Variants in PDE4D observed in about 807,000 individuals in gnomAD.
The protein encoded by PDE4D is 3',5'-cyclic-AMP phosphodiesterase 4D.
PDE4D carries 24 observed loss-of-function variants against 87.4 expected under a neutral mutation model. The observed-to-expected ratio is 0.27, with a 90% CI of 0.20 to 0.39. The LOEUF (loss-of-function observed/expected upper bound fraction) is 0.39. Ranked by LOEUF, PDE4D falls within the 10% of genes least tolerant of loss-of-function variation. The pLI, the probability that PDE4D is intolerant of heterozygous loss-of-function variation, is 1.00. For missense variants in PDE4D, 714 were observed against 1,041.0 expected (o/e 0.69, Z 4.32); for synonymous variants, 384 against 383.2 (o/e 1.00, Z -0.02).
chr5:60,431,116 C>A (rs953406203), intron 1 of PDE4D: 2 of 216,814 alleles, frequency 9.2e-6, no homozygotes, highest in Admixed American at 5.9e-5. Context: ...CCAGTAGGGG[C>A]GGCCGGGCAG....
chr5:60,150,140 G>A (rs1781383603), intron 2 of PDE4D, among the ~76,000 whole-genome samples: 1 of 150,242 alleles, frequency 6.7e-6, no homozygotes, highest in Non-Finnish European at 1.5e-5. Context: ...GTACAAAATG[G>A]ACTATATAAT....
Position 60,473,124 on chromosome 5 carries a change from AAAGGAAGGAAGGAAGGAAGGAAGGAAGG to A in PDE4D, c.-90+14790_-90+14817del, listed in dbSNP as rs562842272. On this transcript the variant is annotated intron_variant, in intron 1 of 16. Transcript: ENST00000502484. ...AAGAAAGAAAGAGAGAGAGAGAAAG[AAAGGAAGGAAGGAAGGAAGGAAGGAAGG>A]AAGGAAGGAAGGAAGGAAGGAAGGA... 2.3e-4 allele frequency among the ~76,000 whole-genome samples: 19 copies of A among 81,424 alleles called. 1 individual carries two copies. In the South Asian group the frequency reaches 2.5e-3, roughly 11 times the overall value. The allele number at this position is 81,424 out of a possible 152,430, so 53.4% of individuals were successfully genotyped here.
intron 1 of PDE4D, among the ~76,000 whole-genome samples, chr5:59,244,119 T>G (rs1581573192): frequency 6.6e-6 from 1 of 152,158 alleles, no homozygotes; most frequent in African/African-American, 2.4e-5. Context: ...AAGCGAAGAA[T>G]GCAGAATAAA....
intron 1 of PDE4D, among the ~76,000 whole-genome samples, chr5:59,668,918 G>GAAGAAAGA (rs150582699): frequency 2.8e-5 from 2 of 71,108 alleles, no homozygotes; most frequent in African/African-American, 1.3e-4. Context: ...AGAAGAAGAA[G>GAAGAAAGA]AAGAAAGAAA....
rs546906473 is a variant in PDE4D, at chr5:58,975,642, C to T, written c.2013+15G>A. ...AGCTCTGTTCTCTCTGAAAGCTATA[C>T]ACTTCATGCATTACCTGTGATTTTT... On this transcript the variant is annotated intron_variant, in intron 14 of 14. Transcript: ENST00000340635. The surrounding 1 kb of genome is among the most constrained non-coding windows in gnomAD (Gnocchi z 4.2). The T allele has an allele frequency of 5.8e-6, 9 of 1,561,498 alleles. No individual in the cohort carries two copies. The South Asian group carries it at 6.1e-5, about 11-fold the overall frequency.
At chr5:59,222,344 G>C (rs911958386) in intron 1 of PDE4D, among the ~76,000 whole-genome samples, 3 of 151,946 alleles carry the variant, frequency 2.0e-5, no homozygotes, top group African/African-American at 7.3e-5. Context: ...ATTTATTTTT[G>C]ACCATGATAT....
At chr5:60,147,946 ACAT>A (rs1446085397) in intron 2 of PDE4D, 1 of 329,136 alleles carries the variant, frequency 3.0e-6, no homozygotes, top group Admixed American at 4.0e-5. Flanking sequence ...CCAAAGTGGC[ACAT>A]CATAACTCCT....
Position 59,126,107 on chromosome 5 carries a change from AAGAGAG to A in PDE4D, c.808+54482_808+54487del, listed in dbSNP as rs755881387. On this transcript the variant is annotated intron_variant, in intron 5 of 14. Transcript: ENST00000340635. ...TTAAGTACAATTGTAAAAAAAAAAA[AAGAGAG>A]AGAGAGAGAGAGAGAGAAAGCAAGG... Among the ~76,000 whole-genome samples, 14 of 148,166 alleles carry A rather than the reference AAGAGAG, an allele frequency of 9.4e-5. No individual in the cohort carries two copies. The East Asian group carries it at 2.0e-3, about 21-fold the overall frequency.
At chr5:60,210,346 TG>T (rs1743048570) in intron 1 of PDE4D, among the ~76,000 whole-genome samples, 2 of 151,942 alleles carry the variant, frequency 1.3e-5, no homozygotes, top group African/African-American at 2.4e-5. Flanking sequence ...ATGTCTCATT[TG>T]TTTTTTTTTT....
chr5:59,928,638 C>A (rs1035856404), intron 3 of PDE4D, among the ~76,000 whole-genome samples: 4 of 151,906 alleles, frequency 2.6e-5, no homozygotes, highest in Non-Finnish European at 4.4e-5. Flanking sequence ...TTCCCCAGCC[C>A]CCTGGGTATC....
intron 1 of PDE4D, among the ~76,000 whole-genome samples, chr5:59,751,574 G>GGGGTGTGTGTGT (rs112024458): frequency 7.0e-6 from 1 of 142,630 alleles, no homozygotes; most frequent in African/African-American, 2.7e-5. Context: ...ATAAATCCCT[G>GGGGTGTGTGTGT]GTGTGTGTGT....
intron 3 of PDE4D, among the ~76,000 whole-genome samples, chr5:59,187,728 A>G (rs1425434462): frequency 2.0e-5 from 3 of 151,986 alleles, no homozygotes; most frequent in Admixed American, 2.0e-4. Context: ...TAGAGAAATT[A>G]TTTCCTAGGC....
chr5:59,177,496 C>T (rs1045019224), intron 5 of PDE4D, among the ~76,000 whole-genome samples: 1 of 152,284 alleles, frequency 6.6e-6, no homozygotes, highest in Non-Finnish European at 1.5e-5. Flanking sequence ...CATGCGTGTT[C>T]ACTCATTCAA....
intron 6 of PDE4D, among the ~76,000 whole-genome samples, chr5:59,007,144 T>C (rs1448445103): frequency 6.6e-6 from 1 of 152,234 alleles, no homozygotes; most frequent in East Asian, 1.9e-4. Context: ...AATAAGTGTA[T>C]TAGCTCTTGG....
intron 1 of PDE4D, among the ~76,000 whole-genome samples, chr5:59,404,622 G>A (rs1045393932): frequency 2.7e-5 from 4 of 145,920 alleles, no homozygotes; most frequent in African/African-American, 7.8e-5. Flanking sequence ...TCACACCACT[G>A]CACTTCAGCC....
intron 1 of PDE4D, among the ~76,000 whole-genome samples, chr5:59,853,672 C>T (rs997401475): frequency 6.6e-6 from 1 of 151,888 alleles, no homozygotes; most frequent in Non-Finnish European, 1.5e-5. Context: ...ATGTTAAAAT[C>T]AAAGAGGCAG....
At chr5:60,346,436 G>C in intron 1 of PDE4D, among the ~76,000 whole-genome samples, 1 of 152,122 alleles carries the variant, frequency 6.6e-6, no homozygotes, top group East Asian at 1.9e-4. Flanking sequence ...TTCAGATGCT[G>C]TTCTCTAATA....
At chr5:59,420,823 T>A (rs1218419557) in intron 1 of PDE4D, among the ~76,000 whole-genome samples, 1 of 151,968 alleles carries the variant, frequency 6.6e-6, no homozygotes, top group Non-Finnish European at 1.5e-5. Flanking sequence ...TCATCTTACA[T>A]CGGATACCGG....
intron 3 of PDE4D, among the ~76,000 whole-genome samples, chr5:59,976,976 T>C (rs1349960980): frequency 2.0e-5 from 3 of 152,210 alleles, no homozygotes; most frequent in South Asian, 2.1e-4. Flanking sequence ...CTTCACTGAC[T>C]GGCCATTCCC....
Sources: allele counts gnomAD v4.1 joint callset (sites outside exome capture counted in the v4.1 genomes callset), GRCh38; gene constraint gnomAD v4.1.1; non-coding constraint Gnocchi (gnomAD v3.1); transcripts MANE v1.5; gene names NCBI Gene and HGNC (gene_info 2026-07-23, HGNC 2026-07-21).